APBA1: variants seen among roughly 807,000 people sequenced by gnomAD.
APBA1 encodes amyloid beta precursor protein binding family A member 1.
A neutral mutation model predicts 86.6 loss-of-function variants in APBA1; 55 were observed. That is an observed-to-expected ratio of 0.64 (90% CI 0.51 to 0.80). APBA1 has a LOEUF of 0.80. Ranked by LOEUF, APBA1 falls within the 30% of genes least tolerant of loss-of-function variation. The probability of loss-of-function intolerance (pLI) is 0.00; values close to 1 mark genes in which losing one functional copy is unlikely to be tolerated. For synonymous variants in APBA1, 511 were observed against 493.9 expected, an observed-to-expected ratio of 1.03 and a Z score of -0.46; for missense variants, 1,090 against 1,183.0, an observed-to-expected ratio of 0.92 and a Z score of 1.15.
chr9:69,464,570 T>C (rs544978387), intron 5 of APBA1: 3 of 152,364 alleles, frequency 2.0e-5, no homozygotes, highest in Admixed American at 6.5e-5. Flanking sequence ...TCAAATGAAC[T>C]GTGGAACTTC....
At chr9:69,617,027 T>TAC (rs144629405) in intron 1 of APBA1, among the ~76,000 whole-genome samples, 8 of 151,700 alleles carry the variant, frequency 5.3e-5, no homozygotes, top group Admixed American at 2.0e-4. Context: ...ATTGTAACCT[T>TAC]ACACACACAC....
chr9:69,434,418 CAA>C (rs60462019), intron 11 of APBA1, among the ~76,000 whole-genome samples: 3 of 142,628 alleles, frequency 2.1e-5, no homozygotes, highest in African/African-American at 7.5e-5. Context: ...TGGCTTAAAA[CAA>C]AAAAAAAAAA....
intron 1 of APBA1, among the ~76,000 whole-genome samples, chr9:69,597,544 T>C (rs889608667): frequency 2.0e-5 from 3 of 152,240 alleles, no homozygotes; most frequent in African/African-American, 7.2e-5. Context: ...ATTTTGGCTT[T>C]TGCTGCCATT....
At chr9:69,502,315 G>A (rs1835891310) in intron 2 of APBA1, among the ~76,000 whole-genome samples, 1 of 152,020 alleles carries the variant, frequency 6.6e-6, no homozygotes, top group East Asian at 1.9e-4. Flanking sequence ...GCCTAGAGCT[G>A]AACCGACAGG....
chr9:69,547,084 G>C (rs1251256391), intron 1 of APBA1, among the ~76,000 whole-genome samples: 1 of 152,196 alleles, frequency 6.6e-6, no homozygotes, highest in Non-Finnish European at 1.5e-5. Context: ...TTTAGATTGA[G>C]AATCAATTGT....
chr9:69,652,596 C>G (rs1321026736), intron 1 of APBA1, among the ~76,000 whole-genome samples: 2 of 152,112 alleles, frequency 1.3e-5, no homozygotes, highest in South Asian at 2.1e-4. Context: ...AAATAAGTAA[C>G]CAAAGGGCAG....
intron 1 of APBA1, among the ~76,000 whole-genome samples, chr9:69,537,350 C>G (rs1315774451): frequency 6.6e-6 from 1 of 152,050 alleles, no homozygotes; most frequent in African/African-American, 2.4e-5. Flanking sequence ...CACCTCTGCA[C>G]TAAGTAGATG....
chr9:69,538,819 C>A (rs545814369), intron 1 of APBA1, among the ~76,000 whole-genome samples: 6 of 152,288 alleles, frequency 3.9e-5, no homozygotes, highest in South Asian at 4.1e-4. Context: ...TGGACTGTCC[C>A]TTGATTTCTT....
At chr9:69,497,538 A>G (rs1356886028) in intron 2 of APBA1, among the ~76,000 whole-genome samples, 1 of 152,146 alleles carries the variant, frequency 6.6e-6, no homozygotes, top group Non-Finnish European at 1.5e-5. Context: ...AAAGTCCGAG[A>G]GTATCATCAG....
At chr9:69,617,293 G>C (rs942402179) in intron 1 of APBA1, among the ~76,000 whole-genome samples, 1 of 151,988 alleles carries the variant, frequency 6.6e-6, no homozygotes, top group South Asian at 2.1e-4. Context: ...TTCTTTTAGA[G>C]AGTATACCTC....
In APBA1 at chr9:69,516,353, G is replaced by T. The variant is rs1423850411; in HGVS notation, c.858C>A (p.Leu286=). The T allele has an allele frequency of 2.5e-6, 4 of 1,598,640 alleles. No individual in the cohort carries two copies. Among genetic ancestry groups the T allele is most frequent in the Non-Finnish European group, 3.4e-6 (4 of 1,177,786 alleles). Residue 286 remains leucine, a synonymous_variant, in exon 2 of 13, where the codon CTC becomes CTA. Coordinates refer to ENST00000265381, the MANE Select transcript of APBA1 (RefSeq NM_001163.4). The surrounding 1 kb of genome is among the most constrained non-coding windows in gnomAD (Gnocchi z 7.3). ...EVKQSMSSQS[L]DKAAEDMPEA... is the part of the protein sequence containing the mutation. ...CAGGCATGTCCTCGGCTGCCTTGTC[G>T]AGGCTCTGCGAGCTCATGCTCTGCT...
intron 1 of APBA1, among the ~76,000 whole-genome samples, chr9:69,558,829 TATTTG>T (rs1183857856): frequency 7.9e-5 from 12 of 152,126 alleles, no homozygotes; most frequent in African/African-American, 2.7e-4. Flanking sequence ...CAACATACAG[TATTTG>T]ATTTTCTGTT....
chr9:69,633,097 T>C (rs1823082101), intron 1 of APBA1, among the ~76,000 whole-genome samples: 1 of 151,698 alleles, frequency 6.6e-6, no homozygotes, highest in Non-Finnish European at 1.5e-5. Flanking sequence ...TTTTTTTTTT[T>C]CCACCAGTAA....
At chr9:69,496,143 A>T (rs1835790929) in intron 2 of APBA1, among the ~76,000 whole-genome samples, 1 of 152,128 alleles carries the variant, frequency 6.6e-6, no homozygotes, top group Non-Finnish European at 1.5e-5. Flanking sequence ...GAGCTCTTGG[A>T]AACAGAGGCA....
chr9:69,484,499 G>T (rs1425256605), intron 2 of APBA1, among the ~76,000 whole-genome samples: 1 of 152,160 alleles, frequency 6.6e-6, no homozygotes, highest in East Asian at 1.9e-4. Flanking sequence ...GCTCATTCGA[G>T]TTTCCTCCTA....
intron 5 of APBA1, among the ~76,000 whole-genome samples, chr9:69,460,018 T>C (rs1468079407): frequency 6.6e-6 from 1 of 152,096 alleles, no homozygotes; most frequent in East Asian, 1.9e-4. Flanking sequence ...GGGATTGGGG[T>C]GGAGGAAGAA....
chr9:69,600,874 G>A (rs1428375536), intron 1 of APBA1, among the ~76,000 whole-genome samples: 2 of 149,690 alleles, frequency 1.3e-5, no homozygotes, highest in Non-Finnish European at 3.0e-5. Flanking sequence ...AAATAAAATA[G>A]GGATGTTAAC....
intron 1 of APBA1, among the ~76,000 whole-genome samples, chr9:69,628,513 A>T (rs932064870): frequency 2.0e-5 from 3 of 152,202 alleles, no homozygotes; most frequent in African/African-American, 7.2e-5. Flanking sequence ...TTCTGGGCTA[A>T]CCCCGCTCTG....
chr9:69,462,404 G>C (rs1373120923), intron 5 of APBA1: 2 of 152,206 alleles, frequency 1.3e-5, no homozygotes, highest in African/African-American at 4.8e-5. Flanking sequence ...CACGTTGTTA[G>C]GGGAGAGATG....
Sources: allele counts gnomAD v4.1 joint callset (sites outside exome capture counted in the v4.1 genomes callset), GRCh38; gene constraint gnomAD v4.1.1; non-coding constraint Gnocchi (gnomAD v3.1); transcripts MANE v1.5; gene names NCBI Gene and HGNC (gene_info 2026-07-23, HGNC 2026-07-21).